DCAF8L2: variants seen among roughly 807,000 people sequenced by gnomAD.
DCAF8L2 encodes DDB1 and CUL4 associated factor 8 like 2, also known as DDB1- and CUL4-associated factor 8-like protein 2.
For missense variants in DCAF8L2, 430 were observed against 490.7 expected, an observed-to-expected ratio of 0.88 and a Z score of 1.17; for synonymous variants, 200 against 190.9, an observed-to-expected ratio of 1.05 and a Z score of -0.39.
intron 3 of DCAF8L2, among the ~76,000 whole-genome samples, chrX:27,678,993 T>A (rs1433652693): frequency 1.8e-5 from 2 of 111,343 alleles, no homozygotes; most frequent in African/African-American, 3.3e-5. Context: ...AAATGTGTGA[T>A]GAAAGGAAAA....
At chrX:27,620,869 C>T (rs774355595) in intron 1 of DCAF8L2, among the ~76,000 whole-genome samples, 7 of 112,153 alleles carry the variant, frequency 6.2e-5, no homozygotes, top group Admixed American at 9.5e-5. Context: ...TTTATGTACT[C>T]ATGCTCATAG....
the DCAF8L2 span, among the ~76,000 whole-genome samples, chrX:27,547,847 C>CTT: frequency 2.7e-4 from 10 of 37,700 alleles, no homozygotes; most frequent in African/African-American, 1.3e-3. Flanking sequence ...CTCTCTCTTT[C>CTT]TCTCTCTCTC....
the DCAF8L2 span, among the ~76,000 whole-genome samples, chrX:27,506,370 AT>A: frequency 8.9e-6 from 1 of 111,851 alleles, no homozygotes; most frequent in Admixed American, 9.6e-5. Flanking sequence ...TACAAACAAG[AT>A]TTTTTAAATA....
At chrX:27,560,063 C>T in the DCAF8L2 span, among the ~76,000 whole-genome samples, 2 of 110,143 alleles carry the variant, frequency 1.8e-5, no homozygotes, top group Non-Finnish European at 3.8e-5. Flanking sequence ...GTCAGGAGAT[C>T]GAGACCATCC....
chrX:27,680,438 ACT>A (rs1464897818), intron 3 of DCAF8L2, among the ~76,000 whole-genome samples: 1 of 112,074 alleles, frequency 8.9e-6, no homozygotes, highest in Non-Finnish European at 1.9e-5. Context: ...CAATAAAAAC[ACT>A]CTGTAAATCA....
chrX:27,655,941 A>G (rs1467768284), intron 2 of DCAF8L2, among the ~76,000 whole-genome samples: 1 of 111,410 alleles, frequency 9.0e-6, no homozygotes, highest in Admixed American at 9.6e-5. Context: ...AATTTTTTAT[A>G]AAAAACCTCT....
chrX:27,492,565 C>T, the DCAF8L2 span, among the ~76,000 whole-genome samples: 5 of 108,048 alleles, frequency 4.6e-5, no homozygotes, highest in African/African-American at 1.0e-4. Flanking sequence ...CTGCAACCTC[C>T]GCCTCCCAGG....
the DCAF8L2 span, among the ~76,000 whole-genome samples, chrX:27,531,696 A>G: frequency 8.9e-6 from 1 of 111,891 alleles, no homozygotes; most frequent in East Asian, 2.8e-4. Context: ...AAAGACAAGG[A>G]TAAACAATCC....
chrX:27,631,121 G>A (rs1233276558), intron 1 of DCAF8L2, among the ~76,000 whole-genome samples: 3 of 111,592 alleles, frequency 2.7e-5, no homozygotes, highest in South Asian at 3.8e-4. Flanking sequence ...AATACCCAAC[G>A]TTAACGAAAT....
intron 2 of DCAF8L2, among the ~76,000 whole-genome samples, chrX:27,644,131 A>G (rs1055727217): frequency 1.8e-5 from 2 of 111,778 alleles, no homozygotes; most frequent in Non-Finnish European, 3.8e-5. Flanking sequence ...ATTCTAACCC[A>G]TGACCCTGAT....
the DCAF8L2 span, among the ~76,000 whole-genome samples, chrX:27,529,427 C>T: frequency 9.0e-6 from 1 of 111,204 alleles, no homozygotes; most frequent in Non-Finnish European, 1.9e-5. Flanking sequence ...GATCAGGTAC[C>T]TAATGAACTT....
At chrX:27,681,495 T>A in intron 3 of DCAF8L2, among the ~76,000 whole-genome samples, 1 of 111,931 alleles carries the variant, frequency 8.9e-6, no homozygotes, top group East Asian at 2.8e-4. Context: ...GATATCTCAC[T>A]AACTAAAACA....
At position 27,741,047 on chromosome X, in the gene DCAF8L2, T is replaced by C. The variant is rs192478506; in HGVS notation, c.-58-5791T>C. ...GTGGATTAATGAATGAGAATGGAAA[T>C]ATATAAAGTGAATCGATGATATGTA... On this transcript the variant is annotated intron_variant, in intron 4 of 4. Transcript: ENST00000451261. Among the ~76,000 whole-genome samples the C allele has an allele frequency of 3.6e-3, 407 of 111,831 alleles. 2 individuals carry two copies. The highest frequency in any genetic ancestry group is 0.012 in the African/African-American group (381 of 30,776).
chrX:27,479,417 T>G, the DCAF8L2 span, among the ~76,000 whole-genome samples: 1 of 111,378 alleles, frequency 9.0e-6, no homozygotes, highest in Admixed American at 9.6e-5. Context: ...TTTGAGCAAT[T>G]AATTGTGTAT....
At chrX:27,696,274 GAAA>G (rs1569184477) in intron 3 of DCAF8L2, among the ~76,000 whole-genome samples, 35 of 24,955 alleles carry the variant, frequency 1.4e-3, no homozygotes, top group Admixed American at 3.0e-3. Flanking sequence ...GAGAGAGAAA[GAAA>G]GAAAGAAAGA....
the DCAF8L2 span, among the ~76,000 whole-genome samples, chrX:27,552,965 G>A: frequency 0.43 from 47,734 of 110,231 alleles, 8,694 homozygotes; most frequent in South Asian, 0.68. Flanking sequence ...TTTCCTTTTA[G>A]AAATCTTTCA....
the DCAF8L2 span, among the ~76,000 whole-genome samples, chrX:27,550,007 A>C: frequency 8.9e-6 from 1 of 112,163 alleles, no homozygotes; most frequent in Non-Finnish European, 1.9e-5. Flanking sequence ...ACTTTATTGC[A>C]GTTCAATTTC....
the DCAF8L2 span, among the ~76,000 whole-genome samples, chrX:27,524,211 G>A: frequency 2.7e-5 from 3 of 111,549 alleles, no homozygotes; most frequent in African/African-American, 9.8e-5. Context: ...TTCAGAGCCT[G>A]TTATTGGTCT....
At chrX:27,672,559 G>A (rs1222781621) in intron 2 of DCAF8L2, among the ~76,000 whole-genome samples, 1 of 111,876 alleles carries the variant, frequency 8.9e-6, no homozygotes, top group African/African-American at 3.2e-5. Flanking sequence ...CACAGAGAGA[G>A]GCGAGTATTG....
Sources: gnomAD v4.1 joint callset for allele counts (sites outside exome capture counted in the v4.1 genomes callset) on GRCh38, gnomAD v4.1.1 for gene constraint, MANE v1.5 for transcripts, NCBI Gene and HGNC (gene_info 2026-07-23, HGNC 2026-07-21) for gene names.